ARB2A: variants seen among roughly 807,000 people sequenced by gnomAD.
ARB2A encodes cotranscriptional regulator ARB2A.
the ARB2A span, among the ~76,000 whole-genome samples, chr5:93,661,232 T>G: frequency 6.6e-6 from 1 of 152,130 alleles, no homozygotes; most frequent in Admixed American, 6.6e-5. Flanking sequence ...TATGGGAGCA[T>G]ATGCTAGCAG....
At chr5:93,956,503 T>C in the ARB2A span, among the ~76,000 whole-genome samples, 1 of 152,118 alleles carries the variant, frequency 6.6e-6, no homozygotes, top group Non-Finnish European at 1.5e-5. Context: ...GTAAAGATAA[T>C]ATTGTGTGGC....
the ARB2A span, among the ~76,000 whole-genome samples, chr5:93,910,317 T>C: frequency 6.6e-6 from 1 of 150,980 alleles, no homozygotes; most frequent in Non-Finnish European, 1.5e-5. Context: ...AAAACACATC[T>C]GATACAAAAG....
chr5:94,087,742 T>C, the ARB2A span, among the ~76,000 whole-genome samples: 1 of 152,226 alleles, frequency 6.6e-6, no homozygotes, highest in South Asian at 2.1e-4. Flanking sequence ...TTTCATGCTA[T>C]ATTTTTACTG....
chr5:93,951,114 C>T, the ARB2A span, among the ~76,000 whole-genome samples: 1 of 152,122 alleles, frequency 6.6e-6, no homozygotes, highest in African/African-American at 2.4e-5. Flanking sequence ...GCCTGCTTGA[C>T]ACTTGCATGT....
At chr5:94,041,450 T>A in the ARB2A span, among the ~76,000 whole-genome samples, 2 of 152,132 alleles carry the variant, frequency 1.3e-5, no homozygotes, top group Non-Finnish European at 1.5e-5. Flanking sequence ...TCCTTTATCT[T>A]CTGTCTCTCT....
chr5:94,097,948 C>T, the ARB2A span, among the ~76,000 whole-genome samples: 1 of 151,462 alleles, frequency 6.6e-6, no homozygotes, highest in Admixed American at 6.6e-5. Context: ...ATGAGTGTTG[C>T]TACCAGTGAA....
the ARB2A span, among the ~76,000 whole-genome samples, chr5:93,888,647 A>C: frequency 6.6e-6 from 1 of 151,854 alleles, no homozygotes; most frequent in Non-Finnish European, 1.5e-5. Context: ...TATCACTTTG[A>C]CCCAATCATA....
At chr5:94,046,855 T>C in the ARB2A span, among the ~76,000 whole-genome samples, 1 of 152,164 alleles carries the variant, frequency 6.6e-6, no homozygotes, top group Non-Finnish European at 1.5e-5. Flanking sequence ...GAATTCCAAA[T>C]AACTAATTAA....
the ARB2A span, among the ~76,000 whole-genome samples, chr5:93,628,541 GT>G: frequency 2.6e-5 from 4 of 152,182 alleles, no homozygotes; most frequent in Non-Finnish European, 5.9e-5. Context: ...ATAGATGACT[GT>G]TTTATCTACA....
chr5:93,641,856 C>A, the ARB2A span, among the ~76,000 whole-genome samples: 1 of 151,966 alleles, frequency 6.6e-6, no homozygotes, highest in African/African-American at 2.4e-5. Flanking sequence ...CACATATATA[C>A]ATTATAGTAG....
At chr5:94,092,259 T>C in the ARB2A span, among the ~76,000 whole-genome samples, 4 of 152,206 alleles carry the variant, frequency 2.6e-5, no homozygotes, top group South Asian at 2.1e-4. Flanking sequence ...GGTGGTAGGA[T>C]TGCTTGAGCC....
the ARB2A span, among the ~76,000 whole-genome samples, chr5:93,717,975 C>T: frequency 9.9e-5 from 15 of 151,870 alleles, no homozygotes; most frequent in African/African-American, 3.6e-4. Context: ...GCTGGGATTA[C>T]AGGTGCGCAC....
chr5:93,884,602 A>G, the ARB2A span, among the ~76,000 whole-genome samples: 1 of 151,584 alleles, frequency 6.6e-6, no homozygotes, highest in African/African-American at 2.4e-5. Context: ...AAACACCCAA[A>G]CTATTTAGAA....
At chr5:93,877,020 T>C in the ARB2A span, among the ~76,000 whole-genome samples, 1 of 152,174 alleles carries the variant, frequency 6.6e-6, no homozygotes, top group Non-Finnish European at 1.5e-5. Context: ...TATTTAAGCA[T>C]CTCTATGTGC....
the ARB2A span, among the ~76,000 whole-genome samples, chr5:93,698,064 G>A: frequency 6.6e-6 from 1 of 152,132 alleles, no homozygotes; most frequent in African/African-American, 2.4e-5. Flanking sequence ...GTGATTTTCA[G>A]AATTTGGAGG....
At chr5:93,681,032 T>C in the ARB2A span, among the ~76,000 whole-genome samples, 49 of 152,322 alleles carry the variant, frequency 3.2e-4, no homozygotes, top group Admixed American at 2.0e-4. Flanking sequence ...TGTGAAATTA[T>C]GGATTTCTCT....
At chr5:93,637,621 T>C in the ARB2A span, among the ~76,000 whole-genome samples, 4 of 152,232 alleles carry the variant, frequency 2.6e-5, no homozygotes, top group Non-Finnish European at 5.9e-5. Context: ...ATCCAGTTTC[T>C]CTGTATCTTT....
At chr5:93,779,696 G>A in the ARB2A span, among the ~76,000 whole-genome samples, 2 of 152,154 alleles carry the variant, frequency 1.3e-5, no homozygotes, top group African/African-American at 2.4e-5. Flanking sequence ...CAGATCGCAT[G>A]ACTAATGTTT....
the ARB2A span, among the ~76,000 whole-genome samples, chr5:93,710,640 G>T: frequency 2.0e-5 from 3 of 152,122 alleles, no homozygotes; most frequent in Non-Finnish European, 4.4e-5. Context: ...TATTTAAAGA[G>T]ATGAGCCCAC....
Sources: gnomAD v4.1 joint callset for allele counts (sites outside exome capture counted in the v4.1 genomes callset) on GRCh38, gnomAD v4.1.1 for gene constraint, MANE v1.5 for transcripts, NCBI Gene and HGNC (gene_info 2026-07-23, HGNC 2026-07-21) for gene names.